The following WDR7 variants were observed in gnomAD, a reference collection of about 807,000 sequenced individuals.
The protein encoded by WDR7 is WD repeat-containing protein 7.
A neutral mutation model predicts 169.4 loss-of-function variants in WDR7; 46 were observed. That is an observed-to-expected ratio of 0.27 (90% CI 0.21 to 0.35). The LOEUF is 0.35. Ranked by LOEUF, WDR7 falls within the 10% of genes least tolerant of loss-of-function variation. The probability of loss-of-function intolerance (pLI) is 1.00; values close to 1 mark genes in which losing one functional copy is unlikely to be tolerated. For synonymous variants in WDR7, 612 were observed against 666.8 expected, an observed-to-expected ratio of 0.92 and a Z score of 1.27; for missense variants, 1,534 against 1,859.3, an observed-to-expected ratio of 0.83 and a Z score of 3.22.
intron 1 of WDR7, among the ~76,000 whole-genome samples, chr18:56,662,433 C>T (rs991338059): frequency 1.3e-5 from 2 of 152,140 alleles, no homozygotes; most frequent in Non-Finnish European, 2.9e-5. Context: ...ATCAGAATAT[C>T]GCCCCATAGG....
chr18:56,968,009 G>T (rs2047435238), intron 26 of WDR7, among the ~76,000 whole-genome samples: 1 of 152,008 alleles, frequency 6.6e-6, no homozygotes, highest in African/African-American at 2.4e-5. Context: ...TGAATCCAAG[G>T]GTGAGAAAAC....
At chr18:56,747,165 C>T (rs2043718136) in intron 14 of WDR7, among the ~76,000 whole-genome samples, 1 of 152,178 alleles carries the variant, frequency 6.6e-6, no homozygotes, top group South Asian at 2.1e-4. Flanking sequence ...TGAGAGTCCC[C>T]TGATAGCTAG....
At chr18:56,913,806 A>G (rs1440180504) in intron 21 of WDR7, among the ~76,000 whole-genome samples, 1 of 83,560 alleles carries the variant, frequency 1.2e-5, no homozygotes, top group East Asian at 5.5e-4. Flanking sequence ...AAAAAATAAA[A>G]TAAAAAATCC....
At chr18:57,001,047 AAGAGAGAGAGAGAGAGAGAGAGAGAGAG>A (rs10536689) in intron 26 of WDR7, among the ~76,000 whole-genome samples, 4 of 129,386 alleles carry the variant, frequency 3.1e-5, no homozygotes, top group Non-Finnish European at 3.3e-5. Context: ...ATCTCTACAA[AAGAGAGAGAGAGAGAGAGAGAGAGAGAG>A]AGAGAGAGAG....
At chr18:57,015,360 T>G (rs1292889839) in intron 26 of WDR7, among the ~76,000 whole-genome samples, 2 of 152,188 alleles carry the variant, frequency 1.3e-5, no homozygotes, top group Non-Finnish European at 2.9e-5. Flanking sequence ...ATTTGTTGAA[T>G]CTATAATTTG....
intron 16 of WDR7, among the ~76,000 whole-genome samples, chr18:56,761,922 A>G (rs1044738090): frequency 2.0e-5 from 3 of 152,054 alleles, no homozygotes; most frequent in African/African-American, 7.2e-5. Flanking sequence ...TAATCATATG[A>G]GATAACCTTT....
chr18:56,913,046 G>T (rs1400627780), intron 21 of WDR7, among the ~76,000 whole-genome samples: 2 of 151,660 alleles, frequency 1.3e-5, no homozygotes, highest in Non-Finnish European at 2.9e-5. Flanking sequence ...ATTTTTTCAA[G>T]AATTTTTTGT....
intron 20 of WDR7, among the ~76,000 whole-genome samples, chr18:56,854,904 A>C (rs1178264877): frequency 6.6e-6 from 1 of 152,138 alleles, no homozygotes; most frequent in African/African-American, 2.4e-5. Context: ...CAACATAATA[A>C]CAAAAGACAG....
intron 21 of WDR7, among the ~76,000 whole-genome samples, chr18:56,921,576 T>C (rs2046721218): frequency 6.6e-6 from 1 of 152,146 alleles, no homozygotes; most frequent in African/African-American, 2.4e-5. Context: ...GAGCCACACA[T>C]TCTCACAGTG....
chr18:56,951,064 C>T (rs903787247), intron 25 of WDR7, among the ~76,000 whole-genome samples: 1 of 152,172 alleles, frequency 6.6e-6, no homozygotes, highest in Non-Finnish European at 1.5e-5. Context: ...CTAGAAGGCA[C>T]CTCCTCCAGA....
chr18:56,679,736 T>C (rs1359470621), intron 3 of WDR7, among the ~76,000 whole-genome samples: 1 of 152,244 alleles, frequency 6.6e-6, no homozygotes, highest in Non-Finnish European at 1.5e-5. Context: ...GTTGTTTTTA[T>C]TGAGTTGCCA....
intron 19 of WDR7, among the ~76,000 whole-genome samples, chr18:56,785,347 A>C (rs764431547): frequency 6.6e-5 from 10 of 152,238 alleles, no homozygotes; most frequent in African/African-American, 2.4e-4. Context: ...TGTTTCTAGC[A>C]TAAGAATCTT....
chr18:56,802,255 A>G (rs1217207062), intron 19 of WDR7, among the ~76,000 whole-genome samples: 1 of 151,912 alleles, frequency 6.6e-6, no homozygotes, highest in Admixed American at 6.6e-5. Flanking sequence ...CCATATGTCC[A>G]TTTTGGTGAA....
chr18:56,846,270 A>G (rs182069708), intron 20 of WDR7, among the ~76,000 whole-genome samples: 1 of 152,136 alleles, frequency 6.6e-6, no homozygotes, highest in East Asian at 1.9e-4. Context: ...TAATGGTGGT[A>G]TGGTTTGGCT....
chr18:56,749,383 TG>T (rs2043753564), intron 14 of WDR7, among the ~76,000 whole-genome samples: 2 of 106,324 alleles, frequency 1.9e-5, no homozygotes, highest in African/African-American at 3.8e-5. Flanking sequence ...AGTGTGTGTG[TG>T]TTTGTGTGTG....
chr18:57,036,173 GAATCCTGGAATGGCTGTTC>G, the WDR7 span: 1 of 152,300 alleles, frequency 6.6e-6, no homozygotes, highest in Non-Finnish European at 1.5e-5. Flanking sequence ...GTTTCCCCCA[GAATCCTGGAATGGCTGTTC>G]CCAGGCTTTT....
intron 26 of WDR7, among the ~76,000 whole-genome samples, chr18:56,984,906 A>C (rs561824364): frequency 1.3e-5 from 2 of 152,240 alleles, no homozygotes; most frequent in African/African-American, 4.8e-5. Context: ...TTTGCCCTTC[A>C]GCTGTGTGCA....
chr18:56,776,526 T>C (rs1033499467), intron 16 of WDR7, among the ~76,000 whole-genome samples: 3 of 152,164 alleles, frequency 2.0e-5, no homozygotes, highest in Non-Finnish European at 2.9e-5. Context: ...TTTGCATTAG[T>C]CAATACATTC....
At chr18:56,726,041 T>C (rs2026444642) in intron 13 of WDR7, among the ~76,000 whole-genome samples, 1 of 152,250 alleles carries the variant, frequency 6.6e-6, no homozygotes, top group Admixed American at 6.5e-5. Flanking sequence ...AGTACCATGC[T>C]GTTTTGGTTA....
Sources: allele counts gnomAD v4.1 joint callset (sites outside exome capture counted in the v4.1 genomes callset), GRCh38; gene constraint gnomAD v4.1.1; transcripts MANE v1.5; gene names NCBI Gene and HGNC (gene_info 2026-07-23, HGNC 2026-07-21).